Variants in DPP10 observed in about 807,000 individuals in gnomAD.
The protein encoded by DPP10 is inactive dipeptidyl peptidase 10.
In DPP10, 33 loss-of-function variants were observed where a neutral mutation model predicts 120.9. That is an observed-to-expected ratio of 0.27 (90% CI 0.21 to 0.37). The LOEUF (loss-of-function observed/expected upper bound fraction) is 0.37, where lower values mean the gene tolerates loss of function less well. Among genes scored for constraint, DPP10 ranks in the 10% least tolerant of loss-of-function variants. DPP10 has a pLI of 1.00. For missense variants in DPP10, 816 were observed against 942.8 expected (o/e 0.87, Z 1.76); for synonymous variants, 337 against 326.1 (o/e 1.03, Z -0.36).
At chr2:115,287,273 G>A (rs2060443327) in intron 1 of DPP10, among the ~76,000 whole-genome samples, 1 of 152,048 alleles carries the variant, frequency 6.6e-6, no homozygotes, top group South Asian at 2.1e-4. Context: ...TACTCTGTCA[G>A]TTTTATTTTA....
At chr2:115,222,226 A>C (rs2057208999) in intron 1 of DPP10, among the ~76,000 whole-genome samples, 1 of 152,170 alleles carries the variant, frequency 6.6e-6, no homozygotes, top group Non-Finnish European at 1.5e-5. Context: ...AAAGGTACTA[A>C]AATAGGGAGA....
At chr2:115,570,147 G>A (rs2081256262) in intron 5 of DPP10, among the ~76,000 whole-genome samples, 1 of 152,024 alleles carries the variant, frequency 6.6e-6, no homozygotes, top group South Asian at 2.1e-4. Context: ...AACACAACCG[G>A]GAAACTCTTG....
At chr2:115,072,261 A>G (rs1445379523) in intron 1 of DPP10, among the ~76,000 whole-genome samples, 1 of 152,202 alleles carries the variant, frequency 6.6e-6, no homozygotes, top group East Asian at 1.9e-4. Flanking sequence ...CAAGCAGACA[A>G]GTAAAATAGC....
At chr2:114,897,848 A>G (rs1212773887) in intron 1 of DPP10, among the ~76,000 whole-genome samples, 1 of 151,992 alleles carries the variant, frequency 6.6e-6, no homozygotes, top group East Asian at 1.9e-4. Flanking sequence ...TCAGGAAACA[A>G]CAGGTGCTGG....
intron 1 of DPP10, among the ~76,000 whole-genome samples, chr2:115,141,219 C>T (rs956284905): frequency 2.4e-4 from 36 of 152,256 alleles, no homozygotes; most frequent in East Asian, 1.3e-3. Flanking sequence ...CTACTCAGTA[C>T]GCAGTTCTTA....
intron 1 of DPP10, among the ~76,000 whole-genome samples, chr2:115,145,456 T>A (rs2051172337): frequency 6.6e-6 from 1 of 152,210 alleles, no homozygotes; most frequent in African/African-American, 2.4e-5. Context: ...TTAGGATTTA[T>A]CAATGCATTT....
chr2:114,532,444 T>C (rs1686103156), intron 1 of DPP10, among the ~76,000 whole-genome samples: 1 of 151,518 alleles, frequency 6.6e-6, no homozygotes, highest in South Asian at 2.1e-4. Context: ...ATGCACAGTC[T>C]ATAAATTATA....
At chr2:114,602,327 G>A (rs1055024518) in intron 1 of DPP10, among the ~76,000 whole-genome samples, 1 of 151,952 alleles carries the variant, frequency 6.6e-6, no homozygotes, top group African/African-American at 2.4e-5. Context: ...GTGTGTGTGT[G>A]TGTGTGTGCA....
At chr2:115,156,924 A>T (rs1051131799) in intron 1 of DPP10, among the ~76,000 whole-genome samples, 1 of 152,208 alleles carries the variant, frequency 6.6e-6, no homozygotes, top group Admixed American at 6.5e-5. Context: ...CATTAATATC[A>T]GCTCAAAGAG....
At chr2:114,540,323 A>G (rs1686855443) in intron 1 of DPP10, among the ~76,000 whole-genome samples, 1 of 152,212 alleles carries the variant, frequency 6.6e-6, no homozygotes, top group South Asian at 2.1e-4. Flanking sequence ...GGAGAATCTG[A>G]GACAGATTGT....
intron 19 of DPP10, among the ~76,000 whole-genome samples, chr2:115,813,074 C>A (rs975872221): frequency 4.9e-5 from 7 of 141,858 alleles, no homozygotes; most frequent in African/African-American, 1.9e-4. Flanking sequence ...CTCCGCTTCC[C>A]GGGTTCACGC....
chr2:115,457,703 C>A (rs1035749843), intron 3 of DPP10, among the ~76,000 whole-genome samples: 6 of 151,944 alleles, frequency 3.9e-5, no homozygotes, highest in Admixed American at 3.9e-4. Context: ...GAGACTAGAA[C>A]CTTTATGCAT....
At chr2:115,677,143 T>C (rs1337400518) in intron 5 of DPP10, among the ~76,000 whole-genome samples, 1 of 152,086 alleles carries the variant, frequency 6.6e-6, no homozygotes, top group African/African-American at 2.4e-5. Flanking sequence ...CAAGCAAAAA[T>C]TGAGGGAATT....
At chr2:114,883,339 A>C (rs1238036310) in intron 1 of DPP10, among the ~76,000 whole-genome samples, 1 of 152,182 alleles carries the variant, frequency 6.6e-6, no homozygotes, top group African/African-American at 2.4e-5. Context: ...CTCGGGACTC[A>C]ACAAGTGTTT....
chr2:114,653,027 A>AGTGTGTGT (rs10528455), intron 1 of DPP10, among the ~76,000 whole-genome samples: 2,794 of 135,680 alleles, frequency 0.021, 47 homozygotes, highest in African/African-American at 0.043. Context: ...AGAGAGAGAG[A>AGTGTGTGT]GTGTGTGTGT....
intron 1 of DPP10, among the ~76,000 whole-genome samples, chr2:114,874,879 G>A (rs1363578869): frequency 5.9e-5 from 9 of 152,068 alleles, no homozygotes; most frequent in Admixed American, 4.6e-4. Context: ...TGGACATTTT[G>A]TATTTAGCCA....
rs78698102 is a variant in DPP10 at position 115,146,966 on chromosome 2, A to G, written c.61-162273A>G. ...ATTTTCTGTTTTTTATAAGCCACCC[A>G]GTTTATGACATTTTTGTTATAACAG... On this transcript the variant is annotated intron_variant, in intron 1 of 25. Coordinates refer to ENST00000410059, the MANE Select transcript of DPP10 (RefSeq NM_020868.6). 6.3e-3 allele frequency among the ~76,000 whole-genome samples: 954 copies of G among 152,224 alleles called. 16 individuals are homozygous for G. The highest frequency in any genetic ancestry group is 0.022 in the African/African-American group (912 of 41,534).
At chr2:115,703,405 A>G (rs1380080880) in intron 7 of DPP10, among the ~76,000 whole-genome samples, 1 of 152,020 alleles carries the variant, frequency 6.6e-6, no homozygotes, top group Non-Finnish European at 1.5e-5. Context: ...CCATATATAT[A>G]GGGAGAGGGA....
chr2:114,545,698 C>G (rs567880400), intron 1 of DPP10, among the ~76,000 whole-genome samples: 20 of 152,324 alleles, frequency 1.3e-4, no homozygotes, highest in Admixed American at 7.2e-4. Flanking sequence ...AGTCTGTTCT[C>G]TATTTTTCAG....
Sources: allele counts gnomAD v4.1 joint callset (sites outside exome capture counted in the v4.1 genomes callset), GRCh38; gene constraint gnomAD v4.1.1; transcripts MANE v1.5; gene names NCBI Gene and HGNC (gene_info 2026-07-23, HGNC 2026-07-21).